The following IMPA1 variants were observed in gnomAD, a reference collection of about 807,000 sequenced individuals.
IMPA1 encodes inositol monophosphatase 1, also known as D-galactose 1-phosphate phosphatase.
IMPA1 carries 21 observed loss-of-function variants against 34.9 expected under a neutral mutation model. The observed-to-expected ratio is 0.60, with a 90% CI of 0.43 to 0.87. The LOEUF is 0.87. Ranked by LOEUF, IMPA1 falls within the 40% of genes least tolerant of loss-of-function variation. The pLI is 0.00. For synonymous variants in IMPA1, 95 were observed against 104.4 expected (o/e 0.91, Z 0.55); for missense variants, 299 against 336.4 (o/e 0.89, Z 0.87).
intron 1 of IMPA1, among the ~76,000 whole-genome samples, chr8:81,683,412 G>C (rs558473331): frequency 3.7e-4 from 56 of 152,138 alleles, no homozygotes; most frequent in Non-Finnish European, 5.7e-4. Context: ...AAGTTTTGCT[G>C]GTAGAGAAGT....
chr8:81,677,513 G>A (rs1008424873), intron 4 of IMPA1, among the ~76,000 whole-genome samples: 1 of 152,194 alleles, frequency 6.6e-6, no homozygotes, highest in Non-Finnish European at 1.5e-5. Flanking sequence ...CCTCTGAAAA[G>A]TAGACTTTGA....
chr8:81,670,423 G>GA (rs1197140804), intron 7 of IMPA1, among the ~76,000 whole-genome samples: 1 of 151,554 alleles, frequency 6.6e-6, no homozygotes, highest in Non-Finnish European at 1.5e-5. Context: ...GTGCAGAAAA[G>GA]AAAAAACCAG....
At chr8:81,685,683 G>A in intron 1 of IMPA1, 4 of 543,470 alleles carry the variant, frequency 7.4e-6, no homozygotes, top group Non-Finnish European at 1.0e-5. Context: ...TTTATATATA[G>A]TTATATATAA....
At position 81,680,659 on chromosome 8, in the gene IMPA1, G is replaced by A. The variant is rs1222823281; in HGVS notation, c.188C>T (p.Pro63Leu). 8.1e-6 allele frequency: 13 copies of A among 1,608,056 alleles called. No homozygotes were observed. In the Admixed American group the frequency reaches 1.4e-4, roughly 17 times the overall value. Residue 63 changes from proline (P) to leucine (L), a missense_variant, in exon 3 of 9, where the codon CCA (proline) becomes CTA (leucine). Coordinates refer to ENST00000256108, the MANE Select transcript of IMPA1 (RefSeq NM_005536.4). ...MLISSIKEKY[P>L]SHSFIGEESV... Reference sequence around the variant, plus strand: ...CAGTAAATAAAAATACCTGTGAGATGGATACTTTTCCTTTATGGAAGAGAT... The same window carrying A: ...CAGTAAATAAAAATACCTGTGAGATAGATACTTTTCCTTTATGGAAGAGAT...
At chr8:81,660,185 G>A (rs1457623154) in intron 8 of IMPA1, among the ~76,000 whole-genome samples, 2 of 152,004 alleles carry the variant, frequency 1.3e-5, no homozygotes, top group African/African-American at 2.4e-5. Flanking sequence ...AAGTTGTGTT[G>A]GGCCACATTC....
Position 81,660,678 on chromosome 8 carries a change from G to A in IMPA1, c.567-11C>T, listed in dbSNP as rs762978480. ...CCAACACTCCGGATCCTAACAAATA[G>A]AATTTAGAAATAAAATTGGAAAAAA... On this transcript the variant is annotated splice_polypyrimidine_tract_variant and intron_variant, in intron 7 of 8. Coordinates refer to ENST00000256108, the MANE Select transcript of IMPA1 (RefSeq NM_005536.4). 8.2e-6 allele frequency: 13 copies of A among 1,581,544 alleles called. No individual in the cohort carries two copies. Among genetic ancestry groups the A allele is most frequent in the Non-Finnish European group, 8.6e-6 (10 of 1,161,178 alleles).
intron 6 of IMPA1, among the ~76,000 whole-genome samples, chr8:81,671,651 A>C (rs1002182111): frequency 2.0e-5 from 3 of 152,126 alleles, no homozygotes; most frequent in Admixed American, 2.0e-4. Context: ...TAATCCCAGC[A>C]CTTTGGGAGG....
intron 4 of IMPA1, among the ~76,000 whole-genome samples, chr8:81,678,867 A>G (rs927188382): frequency 3.9e-5 from 6 of 152,314 alleles, no homozygotes; most frequent in African/African-American, 1.4e-4. Context: ...TAGTGCCAAC[A>G]GTGGGAAAAA....
Position 81,674,967 on chromosome 8 carries a change from C to T in IMPA1, c.349-1018G>A, listed in dbSNP as rs183818218. On this transcript the variant is annotated intron_variant, in intron 5 of 8. Transcript: ENST00000256108. The stretch of plus-strand genomic sequence containing the variant: ...ATTTCCTTGGCTATTCTCACTGCCT[C>T]TACTTAGTTCACCCACACCCCAGTA... 1.0e-5 allele frequency: 4 copies of T among 392,558 alleles called. No homozygotes were observed. The East Asian group carries it at 2.2e-4, about 22-fold the overall frequency. 24.3% of individuals were successfully genotyped at this position (392,558 alleles called of 1,614,324 possible).
intron 1 of IMPA1, among the ~76,000 whole-genome samples, chr8:81,682,842 T>C (rs1290878733): frequency 1.3e-5 from 2 of 152,200 alleles, no homozygotes; most frequent in Non-Finnish European, 2.9e-5. Context: ...ATGTCCTTCA[T>C]CCTTCAATAG....
intron 7 of IMPA1, among the ~76,000 whole-genome samples, chr8:81,664,507 A>G (rs762248386): frequency 9.2e-5 from 14 of 152,220 alleles, no homozygotes; most frequent in Non-Finnish European, 1.9e-4. Context: ...CCACCCTCAG[A>G]AAAGAGTCAC....
At chr8:81,686,059 C>A in intron 1 of IMPA1, 193 bp downstream of exon 1, 1 of 1,099,232 alleles carries the variant, frequency 9.1e-7, no homozygotes, top group Non-Finnish European at 1.2e-6. Context: ...TACTCCAATG[C>A]CGGAACTGTT....
chr8:81,680,507 T>C (rs577082610), intron 3 of IMPA1, 143 bp downstream of exon 3: 36 of 632,052 alleles, frequency 5.7e-5, no homozygotes, highest in Non-Finnish European at 9.2e-5. Flanking sequence ...CAACCTTCAG[T>C]TGACTGCAGC....
At chr8:81,678,684 C>CTG in intron 4 of IMPA1, 1 of 175,710 alleles carries the variant, frequency 5.7e-6, no homozygotes, top group Non-Finnish European at 1.2e-5. Flanking sequence ...AAGAGGGAAA[C>CTG]TCCATCTTAA....
At chr8:81,679,074 T>G (rs969485761) in intron 4 of IMPA1, 52 bp downstream of exon 4, 11 of 1,162,682 alleles carry the variant, frequency 9.5e-6, no homozygotes, top group Non-Finnish European at 1.4e-5. Context: ...TATCTATAGG[T>G]CAATCCAGTT....
At chr8:81,685,091 ATATT>A (rs1157828599) in intron 1 of IMPA1, among the ~76,000 whole-genome samples, 10 of 136,504 alleles carry the variant, frequency 7.3e-5, no homozygotes, top group African/African-American at 2.4e-4. Flanking sequence ...ATAAATAAGT[ATATT>A]TAGATACTAT....
At chr8:81,684,110 TATATACACACACACACACATACACAC>T (rs900742625) in intron 1 of IMPA1, among the ~76,000 whole-genome samples, 6 of 147,592 alleles carry the variant, frequency 4.1e-5, no homozygotes, top group African/African-American at 7.5e-5. Flanking sequence ...TATATATATA[TATATACACACACACACACATACACAC>T]ATACACACAC....
rs565440148 is a variant in IMPA1, at chr8:81,656,952, A to G, written c.*2399T>C. ...ACATATATTTTATGTGTTCAAGTACATATATTTATGTATATTTATGTATGT... is the reference window on the plus strand; with the variant it reads ...ACATATATTTTATGTGTTCAAGTACGTATATTTATGTATATTTATGTATGT... On this transcript the variant is annotated 3_prime_UTR_variant, in exon 9 of 9. Transcript: ENST00000256108. Among the ~76,000 whole-genome samples, 34 of 152,348 alleles carry G rather than the reference A, an allele frequency of 2.2e-4. No individual in the cohort carries two copies. The highest frequency in any genetic ancestry group is 8.2e-4 in the African/African-American group (34 of 41,596).
At position 81,680,780 on chromosome 8, in the gene IMPA1, C is replaced by T; in HGVS notation, c.67G>A (p.Val23Ile). ...VTLARQAGEV[V>I]CEAIKNEMNV... ...ATTTCATTTTTTATAGCTTCACAAACTACCTAAAAAGAGGTTTTGGTAAGC... is the reference window on the plus strand; with the variant it reads ...ATTTCATTTTTTATAGCTTCACAAATTACCTAAAAAGAGGTTTTGGTAAGC... The change falls in exon 3 of 9, where the codon GTT (valine) becomes ATT (isoleucine). Residue 23 changes from valine (V) to isoleucine (I), a missense_variant. Physicochemically the swap from Val to Ile is conservative, Grantham distance 29. Transcript: ENST00000256108. 1.3e-6 allele frequency: 2 copies of T among 1,599,456 alleles called. No homozygotes were observed. The highest frequency in any genetic ancestry group is 8.5e-7 in the Non-Finnish European group (1 of 1,170,116).
Sources: gnomAD v4.1 joint callset for allele counts (sites outside exome capture counted in the v4.1 genomes callset) on GRCh38, gnomAD v4.1.1 for gene constraint, MANE v1.5 for transcripts, NCBI Gene and HGNC (gene_info 2026-07-23, HGNC 2026-07-21) for gene names.